The following BRD10 variants were observed in gnomAD, a reference collection of about 807,000 sequenced individuals.
BRD10 encodes the protein bromodomain containing 10.
chr9:5,906,159 T>TAGG, the BRD10 span, among the ~76,000 whole-genome samples: 1 of 149,574 alleles, frequency 6.7e-6, no homozygotes, highest in Non-Finnish European at 1.5e-5. Context: ...AAGACCAGCC[T>TAGG]AGGCAACTTA....
the BRD10 span, among the ~76,000 whole-genome samples, chr9:5,949,692 G>C: frequency 1.3e-5 from 2 of 152,032 alleles, no homozygotes; most frequent in African/African-American, 4.8e-5. Flanking sequence ...GGGTAACTAA[G>C]GCTGTTAAAT....
At chr9:5,932,531 T>C in the BRD10 span, among the ~76,000 whole-genome samples, 1 of 152,168 alleles carries the variant, frequency 6.6e-6, no homozygotes, top group Non-Finnish European at 1.5e-5. Context: ...ATTTACATTG[T>C]AGTAGATATT....
At chr9:5,981,361 C>A in the BRD10 span, among the ~76,000 whole-genome samples, 1 of 152,202 alleles carries the variant, frequency 6.6e-6, no homozygotes, top group East Asian at 1.9e-4. Context: ...CTGGTTACAG[C>A]CTTATTTCTT....
At chr9:5,884,370 G>A in the BRD10 span, among the ~76,000 whole-genome samples, 18 of 152,190 alleles carry the variant, frequency 1.2e-4, no homozygotes, top group Admixed American at 3.9e-4. Flanking sequence ...GCCCTGTGGC[G>A]CCCAGGACCG....
At chr9:5,972,875 T>C in the BRD10 span, among the ~76,000 whole-genome samples, 1 of 152,176 alleles carries the variant, frequency 6.6e-6, no homozygotes, top group African/African-American at 2.4e-5. Flanking sequence ...GTATCTTTAA[T>C]ATACTCAGAA....
the BRD10 span, among the ~76,000 whole-genome samples, chr9:5,902,270 G>C: frequency 6.6e-6 from 1 of 152,038 alleles, no homozygotes. Context: ...CATTCACCTA[G>C]GTTTTCAAAT....
chr9:5,904,558 T>C, the BRD10 span, among the ~76,000 whole-genome samples: 2 of 152,066 alleles, frequency 1.3e-5, no homozygotes, highest in African/African-American at 4.8e-5. Context: ...CTGCCACCTC[T>C]GCCTCCCAGG....
chr9:5,928,150 T>C, the BRD10 span, among the ~76,000 whole-genome samples: 1 of 152,132 alleles, frequency 6.6e-6, no homozygotes, highest in African/African-American at 2.4e-5. Flanking sequence ...TCTTTTTCAT[T>C]CCTCACTTTC....
At chr9:5,924,510 A>G in the BRD10 span, 1 of 444,966 alleles carries the variant, frequency 2.2e-6, no homozygotes, top group East Asian at 3.4e-5. Context: ...GAAACTTCTT[A>G]TAAGGATGTG....
At chr9:5,937,471 G>C in the BRD10 span, among the ~76,000 whole-genome samples, 161 of 152,202 alleles carry the variant, frequency 1.1e-3, no homozygotes, top group Non-Finnish European at 1.9e-3. Context: ...GGAGGCAGAG[G>C]TTGCAGTGAG....
chr9:6,005,936 G>C, the BRD10 span, among the ~76,000 whole-genome samples: 5 of 152,130 alleles, frequency 3.3e-5, no homozygotes, highest in Admixed American at 6.5e-5. Context: ...ACGAAGACAG[G>C]CACTATGTTA....
chr9:5,900,086 T>C, the BRD10 span, among the ~76,000 whole-genome samples: 2 of 152,258 alleles, frequency 1.3e-5, no homozygotes, highest in Non-Finnish European at 2.9e-5. Flanking sequence ...AATATGTTGG[T>C]ACTCATTTCC....
At chr9:5,994,592 T>G in the BRD10 span, among the ~76,000 whole-genome samples, 2 of 152,208 alleles carry the variant, frequency 1.3e-5, no homozygotes, top group African/African-American at 4.8e-5. Flanking sequence ...GTAACATAAT[T>G]CAACTTCTTT....
At chr9:5,983,962 TACACACACACACACAC>T in the BRD10 span, among the ~76,000 whole-genome samples, 9 of 129,724 alleles carry the variant, frequency 6.9e-5, no homozygotes, top group South Asian at 1.3e-3. Flanking sequence ...GTATATGCAT[TACACACACACACACAC>T]ACACACACAC....
the BRD10 span, among the ~76,000 whole-genome samples, chr9:5,889,699 T>G: frequency 6.6e-6 from 1 of 151,968 alleles, no homozygotes; most frequent in African/African-American, 2.4e-5. Context: ...GCAGGAGAAT[T>G]GCTTGAACCT....
chr9:5,952,026 T>C, the BRD10 span, among the ~76,000 whole-genome samples: 5,673 of 149,402 alleles, frequency 0.038, 327 homozygotes, highest in South Asian at 0.12. Context: ...TTTATTTATT[T>C]ATTTATTTAT....
At chr9:5,987,143 TACTC>T in the BRD10 span, among the ~76,000 whole-genome samples, 2 of 152,134 alleles carry the variant, frequency 1.3e-5, no homozygotes, top group Non-Finnish European at 1.5e-5. Context: ...ACCTGGCAAA[TACTC>T]ACGCTCAATA....
chr9:5,920,702 G>C, the BRD10 span: 8 of 1,613,798 alleles, frequency 5.0e-6, no homozygotes, highest in Admixed American at 1.3e-4. Flanking sequence ...TACTGCTGCC[G>C]AATGTGGAAC....
the BRD10 span, among the ~76,000 whole-genome samples, chr9:6,004,227 T>C: frequency 6.6e-6 from 1 of 152,260 alleles, no homozygotes; most frequent in East Asian, 1.9e-4. Flanking sequence ...TTTAAATTCC[T>C]CTTGTACTTT....
Sources: gnomAD v4.1 joint callset for allele counts (sites outside exome capture counted in the v4.1 genomes callset) on GRCh38, gnomAD v4.1.1 for gene constraint, MANE v1.5 for transcripts, NCBI Gene and HGNC (gene_info 2026-07-23, HGNC 2026-07-21) for gene names.